PDGFD: variants seen among roughly 807,000 people sequenced by gnomAD.
The protein encoded by PDGFD is platelet-derived growth factor D.
Under a neutral mutation model 44.7 loss-of-function variants are expected in PDGFD, and 30 were observed. That is an observed-to-expected ratio of 0.67 (90% CI 0.50 to 0.91). PDGFD has a LOEUF of 0.91. Among genes scored for constraint, PDGFD ranks in the 40% least tolerant of loss-of-function variants. PDGFD has a pLI of 0.00. For missense variants in PDGFD, 445 were observed against 457.8 expected (o/e 0.97, Z 0.25); for synonymous variants, 173 against 168.4 (o/e 1.03, Z -0.21).
Position 104,046,770 on chromosome 11 carries a change from C to T in PDGFD, c.125-46515G>A, listed in dbSNP as rs1180503490. On this transcript the variant is annotated intron_variant, in intron 1 of 6. Transcript: ENST00000393158. ...TTTTTTTATTATTATACTTTAAGTTCTGGGATACATGTTTAGAACGTGAAG... is the reference window on the plus strand; with the variant it reads ...TTTTTTTATTATTATACTTTAAGTTTTGGGATACATGTTTAGAACGTGAAG... Among the ~76,000 whole-genome samples the T allele has an allele frequency of 4.1e-5, 6 of 146,758 alleles. 1 individual carries two copies. The highest frequency in any genetic ancestry group is 9.1e-5 in the Non-Finnish European group (6 of 65,868).
intron 1 of PDGFD, among the ~76,000 whole-genome samples, chr11:104,096,275 T>C (rs895776190): frequency 1.3e-5 from 2 of 152,124 alleles, no homozygotes; most frequent in African/African-American, 4.8e-5. Context: ...CTCTCTTATG[T>C]ATAGCTATCA....
chr11:104,056,979 T>G (rs1860627833), intron 1 of PDGFD, among the ~76,000 whole-genome samples: 2 of 151,936 alleles, frequency 1.3e-5, no homozygotes, highest in African/African-American at 4.8e-5. Context: ...ATACAAAAAA[T>G]TAGCCAGGCA....
At chr11:104,048,776 C>T (rs1187123358) in intron 1 of PDGFD, among the ~76,000 whole-genome samples, 1 of 152,214 alleles carries the variant, frequency 6.6e-6, no homozygotes, top group Non-Finnish European at 1.5e-5. Flanking sequence ...GCATCTGGCA[C>T]TGCTTCCGGA....
intron 3 of PDGFD, among the ~76,000 whole-genome samples, chr11:103,957,700 C>T (rs990417637): frequency 2.8e-4 from 42 of 152,072 alleles, no homozygotes; most frequent in Non-Finnish European, 6.0e-4. Context: ...AAGATTAGAG[C>T]AAATCCCAGT....
Position 103,951,661 on chromosome 11 carries a change from G to A in PDGFD, c.511-3937C>T, listed in dbSNP as rs536845973. On this transcript the variant is annotated intron_variant, in intron 3 of 6. Transcript: ENST00000393158. ...ACACGACAAGCCTCTTCTCCCCTCA[G>A]GTTTAATTCACTGCTGTTCCCTGCC... 7.2e-5 allele frequency among the ~76,000 whole-genome samples: 11 copies of A among 152,158 alleles called. No individual in the cohort carries two copies. The East Asian group carries it at 2.1e-3, about 29-fold the overall frequency.
At chr11:103,958,973 T>G (rs2134335394) in intron 3 of PDGFD, among the ~76,000 whole-genome samples, 1 of 152,250 alleles carries the variant, frequency 6.6e-6, no homozygotes, top group East Asian at 1.9e-4. Context: ...ATTTGAAGTC[T>G]AAAAGCCAAA....
intron 1 of PDGFD, among the ~76,000 whole-genome samples, chr11:104,004,082 G>A (rs1360788659): frequency 6.6e-6 from 1 of 152,198 alleles, no homozygotes; most frequent in Non-Finnish European, 1.5e-5. Context: ...ACTTTTCTAA[G>A]TATAAAAGGG....
At chr11:104,070,884 AG>A (rs1210376164) in intron 1 of PDGFD, among the ~76,000 whole-genome samples, 1 of 152,124 alleles carries the variant, frequency 6.6e-6, no homozygotes, top group African/African-American at 2.4e-5. Flanking sequence ...TTACTGTTGG[AG>A]TTGCATGTTC....
Position 103,907,438 on chromosome 11 carries a change from T to A in PDGFD, c.*2256A>T, listed in dbSNP as rs1429501726. ...AATGTAATTTGTACGGCCAGCTTTT[T>A]ATTCCTTTGATGGCTATCAAATAGA... On this transcript the variant is annotated 3_prime_UTR_variant, in exon 7 of 7. Coordinates refer to ENST00000393158, the MANE Select transcript of PDGFD (RefSeq NM_025208.5). 6.6e-6 allele frequency: 1 copy of A among 152,244 alleles called. No homozygotes were observed. The highest frequency in any genetic ancestry group is 1.5e-5 in the Non-Finnish European group (1 of 68,038). The allele number at this position is 152,244 out of a possible 1,614,324, so 9.4% of individuals were successfully genotyped here. A position where few individuals can be genotyped will look rare whatever the true frequency, so the allele number is the denominator to read the frequency against.
intron 1 of PDGFD, among the ~76,000 whole-genome samples, chr11:104,007,353 C>T (rs1434821691): frequency 6.6e-6 from 1 of 152,036 alleles, no homozygotes; most frequent in Non-Finnish European, 1.5e-5. Context: ...ACCCCTGGCC[C>T]CAATAAATGT....
chr11:104,151,014 C>T (rs542595363), intron 1 of PDGFD, among the ~76,000 whole-genome samples: 16 of 152,250 alleles, frequency 1.1e-4, no homozygotes, highest in African/African-American at 3.6e-4. Flanking sequence ...TTTTATATAA[C>T]ATTTTGCAAT....
intron 1 of PDGFD, among the ~76,000 whole-genome samples, chr11:104,015,557 C>T (rs1289320297): frequency 1.3e-5 from 2 of 152,150 alleles, no homozygotes; most frequent in African/African-American, 4.8e-5. Flanking sequence ...ATAGGAAAAT[C>T]ATCTATTTAA....
intron 3 of PDGFD, among the ~76,000 whole-genome samples, chr11:103,986,392 A>G (rs1324364040): frequency 6.6e-6 from 1 of 152,176 alleles, no homozygotes; most frequent in Non-Finnish European, 1.5e-5. Flanking sequence ...AACTTAAAAC[A>G]TAAAACTCAC....
intron 3 of PDGFD, among the ~76,000 whole-genome samples, chr11:103,962,858 C>A (rs897220381): frequency 5.3e-5 from 8 of 152,052 alleles, no homozygotes; most frequent in African/African-American, 1.9e-4. Context: ...TACATTCTTT[C>A]CAAAATGAGT....
intron 1 of PDGFD, among the ~76,000 whole-genome samples, chr11:104,098,381 G>A (rs1479608146): frequency 6.6e-6 from 1 of 152,068 alleles, no homozygotes; most frequent in Non-Finnish European, 1.5e-5. Flanking sequence ...AGGTGTCTGT[G>A]GTAAGGGGGA....
At chr11:104,065,799 C>T (rs573511079) in intron 1 of PDGFD, among the ~76,000 whole-genome samples, 1 of 152,204 alleles carries the variant, frequency 6.6e-6, no homozygotes, top group South Asian at 2.1e-4. Flanking sequence ...TGAATATTAT[C>T]CCTTGTATGT....
At chr11:104,103,765 A>T (rs891787883) in intron 1 of PDGFD, among the ~76,000 whole-genome samples, 4 of 152,152 alleles carry the variant, frequency 2.6e-5, no homozygotes, top group African/African-American at 7.2e-5. Context: ...TGCCAGTCAT[A>T]AAAAAAGTAT....
chr11:103,933,176 G>A (rs1326935278), intron 5 of PDGFD, among the ~76,000 whole-genome samples: 1 of 152,134 alleles, frequency 6.6e-6, no homozygotes, highest in Non-Finnish European at 1.5e-5. Flanking sequence ...CCAGGTTTAT[G>A]ATGCTTTGGG....
intron 1 of PDGFD, among the ~76,000 whole-genome samples, chr11:104,043,055 T>C (rs547427676): frequency 6.6e-6 from 1 of 152,246 alleles, no homozygotes; most frequent in Admixed American, 6.5e-5. Context: ...ATTATAGCAT[T>C]AACCTTTAAA....
Sources: allele counts gnomAD v4.1 joint callset (sites outside exome capture counted in the v4.1 genomes callset), GRCh38; gene constraint gnomAD v4.1.1; transcripts MANE v1.5; gene names NCBI Gene and HGNC (gene_info 2026-07-23, HGNC 2026-07-21).